Variants in MRTFB observed in about 807,000 individuals in gnomAD.
MRTFB encodes the protein myocardin related transcription factor B.
Under a neutral mutation model 104.2 loss-of-function variants are expected in MRTFB, and 29 were observed. That is an observed-to-expected ratio of 0.28 (90% CI 0.21 to 0.38). The LOEUF is 0.38. MRTFB is among the 10% of genes least tolerant of loss of function. The probability of loss-of-function intolerance (pLI) is 1.00; values close to 1 mark genes in which losing one functional copy is unlikely to be tolerated. For missense variants in MRTFB, 1,270 were observed against 1,341.6 expected, an observed-to-expected ratio of 0.95 and a Z score of 0.83; for synonymous variants, 535 against 519.5, an observed-to-expected ratio of 1.03 and a Z score of -0.41.
chr16:14,196,050 G>A lies in MRTFB; in HGVS notation c.155-14193G>A, dbSNP rs549234381. ...TCTGCCATTCTGTACCAGGCCCCTG[G>A]CTTGACAACATACTGTCATATCACA... is the stretch of plus-strand genomic sequence containing the variant. On this transcript the variant is annotated intron_variant, in intron 3 of 16. Transcript: ENST00000571589. 3.9e-5 allele frequency among the ~76,000 whole-genome samples: 6 copies of A among 152,298 alleles called. No homozygotes were observed. The East Asian group carries it at 1.2e-3, about 29-fold the overall frequency.
chr16:14,225,338 C>T (rs550706525), intron 8 of MRTFB, among the ~76,000 whole-genome samples: 3 of 152,146 alleles, frequency 2.0e-5, no homozygotes, highest in South Asian at 4.1e-4. Flanking sequence ...TATATAACAA[C>T]GTAGTTTGTG....
chr16:14,093,386 C>T (rs945949959), intron 2 of MRTFB, among the ~76,000 whole-genome samples: 1 of 151,916 alleles, frequency 6.6e-6, no homozygotes, highest in African/African-American at 2.4e-5. Flanking sequence ...TGCCTAGATT[C>T]CTTTTTTTAA....
rs2041456354 is a variant in MRTFB, at chr16:14,216,987, C to G, written c.353-139C>G. On this transcript the variant is annotated intron_variant, in intron 6 of 16. Coordinates refer to ENST00000571589, the MANE Select transcript of MRTFB (RefSeq NM_001308142.2). The stretch of plus-strand genomic sequence containing the variant: ...GCATACTGGAGAATTCTTAAACAGT[C>G]ATTTTCTCTTTCCATAAATATGTCG... 4.9e-6 allele frequency: 4 copies of G among 820,420 alleles called. No homozygotes were observed. The South Asian group carries it at 1.2e-4, about 25-fold the overall frequency. 50.8% of individuals were successfully genotyped at this position (820,420 alleles called of 1,614,324 possible). A position where few individuals can be genotyped will look rare whatever the true frequency, so the allele number is the denominator to read the frequency against.
At chr16:14,144,977 CATACATATATATATATATGTATAT>C (rs1567380186) in intron 3 of MRTFB, among the ~76,000 whole-genome samples, 9 of 144,166 alleles carry the variant, frequency 6.2e-5, no homozygotes, top group African/African-American at 2.3e-4. Context: ...TAAATATATA[CATACATATATATATATATGTATAT>C]ATATATATAT....
chr16:14,215,948 T>C (rs1415351862), intron 6 of MRTFB, among the ~76,000 whole-genome samples: 1 of 152,276 alleles, frequency 6.6e-6, no homozygotes, highest in African/African-American at 2.4e-5. Flanking sequence ...ATTTTTTAAA[T>C]GACTCAACCT....
the MRTFB span, among the ~76,000 whole-genome samples, chr16:14,031,900 C>T: frequency 4.7e-4 from 72 of 152,236 alleles, 1 homozygote; most frequent in South Asian, 1.0e-2. Flanking sequence ...CTCCGTCTCC[C>T]GGGTTCATGC....
intron 3 of MRTFB, among the ~76,000 whole-genome samples, chr16:14,183,428 T>A (rs1028593606): frequency 3.3e-5 from 5 of 152,248 alleles, no homozygotes; most frequent in Admixed American, 2.0e-4. Context: ...TGGATCCTTT[T>A]ACTATACAGG....
At chr16:14,116,548 C>A (rs1596915429) in intron 2 of MRTFB, among the ~76,000 whole-genome samples, 1 of 152,138 alleles carries the variant, frequency 6.6e-6, no homozygotes, top group Non-Finnish European at 1.5e-5. Context: ...CACACTTGGC[C>A]TCTGACATTT....
the MRTFB span, among the ~76,000 whole-genome samples, chr16:14,043,608 G>A: frequency 6.6e-6 from 1 of 152,190 alleles, no homozygotes; most frequent in Non-Finnish European, 1.5e-5. Context: ...GGCAAAGAAA[G>A]ATATAGAAAC....
intron 2 of MRTFB, among the ~76,000 whole-genome samples, chr16:14,114,542 G>A (rs2036436292): frequency 6.6e-6 from 1 of 152,118 alleles, no homozygotes; most frequent in Admixed American, 6.5e-5. Context: ...TTTCCTGCCT[G>A]CACTTGAGGC....
In MRTFB at chr16:14,240,470, G is replaced by A; in HGVS notation, c.1065G>A (p.Leu355=). The stretch of plus-strand genomic sequence containing the variant: ...AGCACTACAACTACCAGACCATCCT[G>A]CCTGCACCATTCAAGTACGGCGGGG... ...QKQHYNYQTI[L]PAPFKPLNDK... The change falls in exon 10 of 17, where the codon CTG becomes CTA. Residue 355 remains leucine (L), a synonymous_variant. Transcript: ENST00000571589. 1 of 1,614,216 alleles carries A rather than the reference G, an allele frequency of 6.2e-7. No homozygotes were observed. Among genetic ancestry groups the A allele is most frequent in the South Asian group, 1.1e-5 (1 of 91,084 alleles).
At chr16:14,000,584 G>A in the MRTFB span, among the ~76,000 whole-genome samples, 1 of 152,180 alleles carries the variant, frequency 6.6e-6, no homozygotes, top group African/African-American at 2.4e-5. Context: ...GGCCTTTTCT[G>A]CCTTTCCATC....
intron 3 of MRTFB, chr16:14,195,619 T>C: frequency 1.1e-6 from 1 of 950,590 alleles, no homozygotes; most frequent in Non-Finnish European, 1.3e-6. Context: ...TTCCACTGTT[T>C]CCTGTTTCGT....
At chr16:14,215,366 C>T (rs1398092992) in intron 6 of MRTFB, among the ~76,000 whole-genome samples, 1 of 152,110 alleles carries the variant, frequency 6.6e-6, no homozygotes, top group Non-Finnish European at 1.5e-5. Flanking sequence ...AACATTAACC[C>T]GATTTTGATT....
chr16:14,086,730 C>A (rs992386880), intron 2 of MRTFB, among the ~76,000 whole-genome samples: 3 of 152,094 alleles, frequency 2.0e-5, no homozygotes, highest in African/African-American at 7.2e-5. Context: ...TGCTTTAAAG[C>A]CCTGATTCTA....
intron 2 of MRTFB, among the ~76,000 whole-genome samples, chr16:14,112,703 G>C (rs1039880283): frequency 3.3e-5 from 5 of 152,170 alleles, no homozygotes; most frequent in Admixed American, 6.5e-5. Context: ...TGGCCTGCTT[G>C]GTGTGTTGAG....
At chr16:14,239,152 C>T (rs1166920699) in intron 9 of MRTFB, among the ~76,000 whole-genome samples, 1 of 151,896 alleles carries the variant, frequency 6.6e-6, no homozygotes, top group Non-Finnish European at 1.5e-5. Flanking sequence ...TTCTTTTATA[C>T]CAGGGATTTA....
the MRTFB span, chr16:14,020,350 T>C: frequency 6.6e-6 from 1 of 152,218 alleles, no homozygotes; most frequent in Non-Finnish European, 1.5e-5. Flanking sequence ...GTGTAGTCTT[T>C]CATTTGCTTA....
At chr16:14,257,273 A>G (rs969269813) in intron 15 of MRTFB, among the ~76,000 whole-genome samples, 8 of 152,220 alleles carry the variant, frequency 5.3e-5, no homozygotes, top group African/African-American at 1.9e-4. Context: ...ACACATGTCT[A>G]TACAAGGACC....
Sources: allele counts gnomAD v4.1 joint callset (sites outside exome capture counted in the v4.1 genomes callset), GRCh38; gene constraint gnomAD v4.1.1; transcripts MANE v1.5; gene names NCBI Gene and HGNC (gene_info 2026-07-23, HGNC 2026-07-21).